SCNN1B: variants seen among roughly 807,000 people sequenced by gnomAD.
SCNN1B encodes sodium channel epithelial 1 subunit beta.
A neutral mutation model predicts 65.3 loss-of-function variants in SCNN1B; 46 were observed. The observed-to-expected ratio is 0.70, with a 90% CI of 0.56 to 0.90. The LOEUF is 0.90. Ranked by LOEUF, SCNN1B falls within the 40% of genes least tolerant of loss-of-function variation. The pLI is 0.00. For missense variants in SCNN1B, 751 were observed against 830.5 expected (o/e 0.90, Z 1.18); for synonymous variants, 349 against 330.6 (o/e 1.06, Z -0.60).
chr16:23,320,605 G>T (rs182552319), intron 1 of SCNN1B, among the ~76,000 whole-genome samples: 12 of 152,380 alleles, frequency 7.9e-5, no homozygotes, highest in African/African-American at 2.6e-4. Context: ...GACAGCAAAA[G>T]TTCTCGTCCA....
At chr16:23,363,049 C>G (rs1035285952) in intron 4 of SCNN1B, among the ~76,000 whole-genome samples, 4 of 152,222 alleles carry the variant, frequency 2.6e-5, no homozygotes, top group African/African-American at 9.6e-5. Flanking sequence ...CAGGCCTCCC[C>G]TCCTCCAGGA....
At chr16:23,318,103 C>T (rs1178256481) in intron 1 of SCNN1B, among the ~76,000 whole-genome samples, 1 of 152,174 alleles carries the variant, frequency 6.6e-6, no homozygotes, top group Non-Finnish European at 1.5e-5. Context: ...AAGATTGTGT[C>T]TGGGCATTGT....
At chr16:23,368,055 G>A in intron 5 of SCNN1B, 96 bp downstream of exon 5, 6 of 987,638 alleles carry the variant, frequency 6.1e-6, no homozygotes, top group Non-Finnish European at 8.1e-6. Context: ...GGGTGGGACT[G>A]AGGGGGGACC....
Position 23,371,451 on chromosome 16 carries a change from G to C in SCNN1B, c.1033G>C (p.Gly345Arg). 1.2e-6 allele frequency: 2 copies of C among 1,613,864 alleles called. No homozygotes were observed. Among genetic ancestry groups the C allele is most frequent in the Non-Finnish European group, 1.7e-6 (2 of 1,179,996 alleles). The stretch of plus-strand genomic sequence containing the variant: ...CATGTCGGGGACAGAGACGTCCATC[G>C]GGGTACTCGTGGTATGGCCGGAGCC... ...YAMSGTETSI[G>R]VLVDKLQRMG... The change falls in exon 6 of 13, where the codon GGG becomes CGG. Residue 345 changes from glycine to arginine, a missense_variant. Physicochemically the swap from Gly to Arg is moderately radical, Grantham distance 125. Transcript: ENST00000343070.
rs889033083 is a variant in SCNN1B at position 23,367,723 on chromosome 16, G to GA, written c.777-132dup. 3.9e-6 allele frequency: 3 copies of GA among 768,672 alleles called. No homozygotes were observed. The African/African-American group carries it at 5.1e-5, about 13-fold the overall frequency. 47.6% of individuals were successfully genotyped at this position (768,672 alleles called of 1,614,324 possible). On this transcript the variant is annotated intron_variant, in intron 4 of 12. Transcript: ENST00000343070. ...CCCCTCTGGTTTGGACCAGAGGATG[G>GA]ACAGAATGACCTGTTGCTCGCCTCT...
At chr16:23,339,349 G>A (rs1962006433) in intron 1 of SCNN1B, among the ~76,000 whole-genome samples, 2 of 151,942 alleles carry the variant, frequency 1.3e-5, no homozygotes, top group Admixed American at 6.6e-5. Flanking sequence ...GTGTGTGAAA[G>A]TATGTTTTTC....
chr16:23,347,336 G>C (rs969177867), intron 1 of SCNN1B, among the ~76,000 whole-genome samples: 1 of 151,976 alleles, frequency 6.6e-6, no homozygotes, highest in Non-Finnish European at 1.5e-5. Context: ...AGCACTTTTT[G>C]TGCATCGCCG....
intron 1 of SCNN1B, among the ~76,000 whole-genome samples, chr16:23,319,829 G>A (rs533580577): frequency 2.6e-5 from 4 of 152,040 alleles, no homozygotes; most frequent in East Asian, 1.9e-4. Context: ...GTGCAGTGGC[G>A]CAATCTTGGC....
intron 1 of SCNN1B, among the ~76,000 whole-genome samples, chr16:23,278,747 A>G (rs1439462859): frequency 6.6e-6 from 1 of 152,022 alleles, no homozygotes; most frequent in Non-Finnish European, 1.5e-5. Context: ...CCTGGGCAAC[A>G]TAGTGACCCC....
chr16:23,357,360 A>G (rs1962441633), intron 4 of SCNN1B, among the ~76,000 whole-genome samples: 1 of 152,238 alleles, frequency 6.6e-6, no homozygotes, highest in Admixed American at 6.5e-5. Flanking sequence ...AGGCGGGTGG[A>G]TCACCTGAGG....
upstream of SCNN1B, among the ~76,000 whole-genome samples, chr16:23,298,006 T>C (rs576346915): frequency 1.3e-5 from 2 of 152,310 alleles, no homozygotes; most frequent in South Asian, 4.1e-4. Flanking sequence ...CTTCAACATC[T>C]AACATCTCAT....
intron 4 of SCNN1B, chr16:23,358,458 C>T (rs1962464296): frequency 6.6e-6 from 1 of 152,130 alleles, no homozygotes; most frequent in South Asian, 2.1e-4. Context: ...CTTGCTGTGC[C>T]TCAGTTTCCC....
chr16:23,323,855 A>C (rs1416689096), intron 1 of SCNN1B, among the ~76,000 whole-genome samples: 1 of 152,160 alleles, frequency 6.6e-6, no homozygotes, highest in African/African-American at 2.4e-5. Flanking sequence ...TTCATTTACC[A>C]AGCTGGGAAA....
chr16:23,282,855 G>T (rs1960801470), intron 1 of SCNN1B, among the ~76,000 whole-genome samples: 1 of 152,208 alleles, frequency 6.6e-6, no homozygotes, highest in African/African-American at 2.4e-5. Flanking sequence ...CCTCTGAGCT[G>T]CTTTTCTGGG....
At chr16:23,297,830 G>A (rs1370787455), upstream of SCNN1B, among the ~76,000 whole-genome samples, 1 of 152,106 alleles carries the variant, frequency 6.6e-6, no homozygotes, top group African/African-American at 2.4e-5. Context: ...ACAGATGAGG[G>A]GTGAAAAAGG....
At chr16:23,376,519 G>A (rs974757860) in intron 8 of SCNN1B, among the ~76,000 whole-genome samples, 2 of 152,068 alleles carry the variant, frequency 1.3e-5, no homozygotes, top group African/African-American at 2.4e-5. Context: ...CCAAGGACTC[G>A]AAACCTGGAG....
At chr16:23,339,564 A>T (rs1008270145) in intron 1 of SCNN1B, among the ~76,000 whole-genome samples, 34 of 150,058 alleles carry the variant, frequency 2.3e-4, no homozygotes, top group African/African-American at 8.1e-4. Flanking sequence ...ACTTATTTTT[A>T]TTATTATTAT....
Position 23,282,222 on chromosome 16 carries a change from A to G in SCNN1B, n.111-1515A>G, listed in dbSNP as rs187238383. On this transcript the variant is annotated intron_variant and non_coding_transcript_variant, in intron 1 of 3. Transcript: ENST00000569789. ...GCACTTGTACCCATAAATCCATAAA[A>G]ATAGAAAATTTAATTTCAATAAATA... Among the ~76,000 whole-genome samples the G allele has an allele frequency of 8.5e-5, 13 of 152,306 alleles. No individual in the cohort carries two copies. In the East Asian group the frequency reaches 2.5e-3, roughly 29 times the overall value.
intron 5 of SCNN1B, among the ~76,000 whole-genome samples, chr16:23,369,468 C>T (rs887340854): frequency 2.6e-5 from 4 of 152,086 alleles, no homozygotes; most frequent in East Asian, 3.8e-4. Context: ...TGGTGGATGA[C>T]GGATCCCCCT....
Sources: gnomAD v4.1 joint callset for allele counts (sites outside exome capture counted in the v4.1 genomes callset) on GRCh38, gnomAD v4.1.1 for gene constraint, MANE v1.5 for transcripts, NCBI Gene and HGNC (gene_info 2026-07-23, HGNC 2026-07-21) for gene names.